Variants in PIK3C2G observed in about 807,000 individuals in gnomAD.
PIK3C2G encodes the protein phosphatidylinositol 3-kinase C2 domain-containing subunit gamma.
In PIK3C2G, 168 loss-of-function variants were observed where a neutral mutation model predicts 181.1. The ratio of observed to expected loss-of-function variants is 0.93; its 90% CI spans 0.82 to 1.05. The LOEUF (loss-of-function observed/expected upper bound fraction) is 1.05. Among genes scored for constraint, PIK3C2G ranks in the 50% least tolerant of loss-of-function variants. PIK3C2G has a pLI of 0.00. For missense variants in PIK3C2G, 1,869 were observed against 1,732.8 expected, an observed-to-expected ratio of 1.08 and a Z score of -1.40; for synonymous variants, 573 against 592.2, an observed-to-expected ratio of 0.97 and a Z score of 0.47.
At chr12:18,559,676 C>T (rs1258975731) in intron 26 of PIK3C2G, among the ~76,000 whole-genome samples, 1 of 149,612 alleles carries the variant, frequency 6.7e-6, no homozygotes, top group Admixed American at 6.7e-5. Context: ...ATCCAAATTG[C>T]ATGGACAAGA....
chr12:18,481,039 T>C (rs997103024), intron 18 of PIK3C2G, among the ~76,000 whole-genome samples: 1 of 152,138 alleles, frequency 6.6e-6, no homozygotes, highest in Non-Finnish European at 1.5e-5. Flanking sequence ...CTCAAGCAAT[T>C]CTCCTGCCTC....
chr12:18,381,936 G>C (rs1942870375), intron 14 of PIK3C2G, 56 bp downstream of exon 14: 5 of 1,024,642 alleles, frequency 4.9e-6, no homozygotes, highest in Non-Finnish European at 7.8e-6. Flanking sequence ...TTGATACGTA[G>C]TTTGTTGTCA....
chr12:18,543,829 T>A (rs753617391), intron 25 of PIK3C2G, among the ~76,000 whole-genome samples: 3 of 151,828 alleles, frequency 2.0e-5, no homozygotes, highest in Admixed American at 6.6e-5. Context: ...GCATTCATTA[T>A]CCCAGACATT....
At chr12:18,633,835 GT>G (rs1382853923) in intron 31 of PIK3C2G, among the ~76,000 whole-genome samples, 9 of 152,282 alleles carry the variant, frequency 5.9e-5, no homozygotes, top group African/African-American at 1.9e-4. Context: ...GTTCCTCTCT[GT>G]TTTTATGATT....
intron 24 of PIK3C2G, among the ~76,000 whole-genome samples, chr12:18,512,896 C>T (rs1425897533): frequency 6.6e-6 from 1 of 151,844 alleles, no homozygotes; most frequent in African/African-American, 2.4e-5. Context: ...AAGCTTTCAA[C>T]TTTTCACCAT....
chr12:18,703,386 G>C, the PIK3C2G span, among the ~76,000 whole-genome samples: 5 of 152,144 alleles, frequency 3.3e-5, no homozygotes, highest in African/African-American at 1.2e-4. Flanking sequence ...AGTAAAATTT[G>C]AAGATCTTCC....
At chr12:18,491,301 T>C in intron 19 of PIK3C2G, 150 bp from the exon 20 acceptor site, 1 of 578,008 alleles carries the variant, frequency 1.7e-6, no homozygotes, top group East Asian at 2.8e-5. Flanking sequence ...TTCTCATGCC[T>C]GAATACATCA....
intron 31 of PIK3C2G, among the ~76,000 whole-genome samples, chr12:18,614,686 A>G (rs753268691): frequency 6.6e-6 from 1 of 152,148 alleles, no homozygotes; most frequent in East Asian, 1.9e-4. Context: ...TTTCCTAAGA[A>G]ATTTTATCCA....
intron 29 of PIK3C2G, among the ~76,000 whole-genome samples, chr12:18,592,402 C>T (rs1010103414): frequency 6.6e-6 from 1 of 151,786 alleles, no homozygotes; most frequent in East Asian, 1.9e-4. Context: ...AGACAGAATT[C>T]ACTAAAAATG....
intron 8 of PIK3C2G, among the ~76,000 whole-genome samples, chr12:18,329,748 C>A (rs1347076376): frequency 1.3e-5 from 2 of 151,964 alleles, no homozygotes; most frequent in African/African-American, 4.8e-5. Flanking sequence ...CAAGGCAACA[C>A]CAAACACTTT....
At chr12:18,696,363 A>G in the PIK3C2G span, 1 of 185,726 alleles carries the variant, frequency 5.4e-6, no homozygotes, top group Non-Finnish European at 8.1e-6. Context: ...ATATAATTCT[A>G]TAATAGTTTC....
chr12:18,296,761 C>CA (rs1394160246), intron 5 of PIK3C2G, among the ~76,000 whole-genome samples: 4 of 152,024 alleles, frequency 2.6e-5, no homozygotes, highest in African/African-American at 9.7e-5. Context: ...TTCTTACTCT[C>CA]ACTCTCCCTG....
chr12:18,641,344 T>C (rs11044230), intron 32 of PIK3C2G, among the ~76,000 whole-genome samples: 2,504 of 152,252 alleles, frequency 0.016, 73 homozygotes, highest in African/African-American at 0.057. Flanking sequence ...GATAGTACTT[T>C]ATTCAAGGGG....
chr12:18,380,383 C>G (rs1176571322), intron 13 of PIK3C2G, among the ~76,000 whole-genome samples: 2 of 152,262 alleles, frequency 1.3e-5, no homozygotes, highest in Admixed American at 6.5e-5. Flanking sequence ...AATATGACCT[C>G]CAAGTTTGGC....
upstream of PIK3C2G, among the ~76,000 whole-genome samples, chr12:18,245,164 C>T (rs190377223): frequency 7.8e-4 from 119 of 152,094 alleles, 1 homozygote; most frequent in African/African-American, 2.6e-3. Context: ...TAGGAAAACT[C>T]GTAATAAAAA....
chr12:18,580,495 G>A (rs921352395), intron 29 of PIK3C2G, among the ~76,000 whole-genome samples: 1 of 152,146 alleles, frequency 6.6e-6, no homozygotes, highest in Non-Finnish European at 1.5e-5. Flanking sequence ...TACTACATTT[G>A]TGACGACATT....
intron 24 of PIK3C2G, among the ~76,000 whole-genome samples, chr12:18,524,381 T>C (rs141483610): frequency 1.3e-5 from 2 of 152,262 alleles, no homozygotes; most frequent in Non-Finnish European, 2.9e-5. Context: ...TTTTAGGATA[T>C]TCAGGGTGGT....
chr12:18,270,664 G>T (rs1343007965), intron 1 of PIK3C2G, among the ~76,000 whole-genome samples: 1 of 152,072 alleles, frequency 6.6e-6, no homozygotes, highest in African/African-American at 2.4e-5. Context: ...ACAGAAAACA[G>T]TCTATTGTGG....
intron 18 of PIK3C2G, among the ~76,000 whole-genome samples, chr12:18,441,782 G>A (rs1039004122): frequency 1.3e-5 from 2 of 152,128 alleles, no homozygotes; most frequent in Non-Finnish European, 2.9e-5. Flanking sequence ...CAAAGCAGAT[G>A]ACAAAAACAA....
Sources: gnomAD v4.1 joint callset for allele counts (sites outside exome capture counted in the v4.1 genomes callset) on GRCh38, gnomAD v4.1.1 for gene constraint, MANE v1.5 for transcripts, NCBI Gene and HGNC (gene_info 2026-07-23, HGNC 2026-07-21) for gene names.